Variants in ATL2 observed in about 807,000 individuals in gnomAD.
ATL2 encodes atlastin-2.
In ATL2, 31 loss-of-function variants were observed where a neutral mutation model predicts 73.9. The ratio of observed to expected loss-of-function variants is 0.42; its 90% CI spans 0.32 to 0.57. The LOEUF is 0.57. ATL2 is among the 20% of genes least tolerant of loss of function. The pLI is 0.14. For missense variants in ATL2, 738 were observed against 702.6 expected, an observed-to-expected ratio of 1.05 and a Z score of -0.57; for synonymous variants, 291 against 237.5, an observed-to-expected ratio of 1.23 and a Z score of -2.07.
At chr2:38,320,122 A>G (rs1318325722) in intron 2 of ATL2, among the ~76,000 whole-genome samples, 1 of 152,206 alleles carries the variant, frequency 6.6e-6, no homozygotes, top group Non-Finnish European at 1.5e-5. Context: ...CAAAAACAAA[A>G]AAAATCAATT....
At chr2:38,351,290 T>TA (rs1409655504) in intron 1 of ATL2, among the ~76,000 whole-genome samples, 2 of 152,144 alleles carry the variant, frequency 1.3e-5, no homozygotes, top group Admixed American at 1.3e-4. Flanking sequence ...TTAAGAGCCT[T>TA]AAAGAGGTTA....
intron 2 of ATL2, among the ~76,000 whole-genome samples, chr2:38,334,898 ATTATT>A (rs1669239146): frequency 7.3e-6 from 1 of 136,192 alleles, no homozygotes; most frequent in African/African-American, 2.7e-5. Context: ...TATAATATAT[ATTATT>A]TATAATATAT....
At chr2:38,319,379 A>T (rs995415170) in intron 2 of ATL2, among the ~76,000 whole-genome samples, 1 of 152,102 alleles carries the variant, frequency 6.6e-6, no homozygotes, top group Non-Finnish European at 1.5e-5. Context: ...TGGGCATATC[A>T]CTTGAGGCCA....
In ATL2 at chr2:38,329,423, CAAAAAAAAAAAAA is replaced by C. The variant is rs70954711; in HGVS notation, c.364-10417_364-10405del. ...AGGAGACAGAGCAAGACTCCATCTCCAAAAAAAAAAAAAAAAAAAAAAAAAAAAGATCAATAAA... is the reference window on the plus strand; with the variant it reads ...AGGAGACAGAGCAAGACTCCATCTCCAAAAAAAAAAAAAAAGATCAATAAA... On this transcript the variant is annotated intron_variant, in intron 2 of 12. Transcript: ENST00000378954. 2.1e-3 allele frequency among the ~76,000 whole-genome samples: 29 copies of C among 13,672 alleles called. 1 individual carries two copies. In the East Asian group the frequency reaches 0.022, roughly 10 times the overall value. The allele number at this position is 13,672 out of a possible 152,430, so 9.0% of individuals were successfully genotyped here. A position where few individuals can be genotyped will look rare whatever the true frequency, so the allele number is the denominator to read the frequency against.
At chr2:38,308,637 G>T (rs564792078) in intron 9 of ATL2, among the ~76,000 whole-genome samples, 1 of 151,926 alleles carries the variant, frequency 6.6e-6, no homozygotes, top group Admixed American at 6.6e-5. Flanking sequence ...AGGGATACAG[G>T]CTTGAGGTGA....
At chr2:38,305,296 A>AGGCAGGTGGACCACTTGAG (rs962229607) in intron 9 of ATL2, among the ~76,000 whole-genome samples, 1 of 152,214 alleles carries the variant, frequency 6.6e-6, no homozygotes, top group Non-Finnish European at 1.5e-5. Context: ...TGGGAGGCCA[A>AGGCAGGTGGACCACTTGAG]GGCAGGTGGA....
intron 11 of ATL2, 33 bp downstream of exon 11, chr2:38,299,223 C>G (rs745813734): frequency 1.4e-6 from 2 of 1,481,228 alleles, no homozygotes; most frequent in Non-Finnish European, 1.8e-6. Context: ...AATCTTCTCA[C>G]TCCAGCATCA....
chr2:38,338,139 T>A (rs1669480948), intron 2 of ATL2, among the ~76,000 whole-genome samples: 1 of 152,208 alleles, frequency 6.6e-6, no homozygotes, highest in South Asian at 2.1e-4. Context: ...TAAAAAAGGA[T>A]GAAATTATGT....
rs369713955 is a variant in ATL2 at position 38,298,367 on chromosome 2, T to A, written c.1409A>T (p.Tyr470Phe). 2.5e-6 allele frequency: 4 copies of A among 1,614,056 alleles called. No homozygotes were observed. In the African/African-American group the frequency reaches 4.0e-5, roughly 16 times the overall value. ...IKHNDGKNIF[Y>F]AARTPATLFA... Reference sequence around the variant, plus strand: ...CAGTGTGGCTGGGGTACGAGCAGCATAGAAGATATTTTTGCCATCATTGTG... The same window carrying A: ...CAGTGTGGCTGGGGTACGAGCAGCAAAGAAGATATTTTTGCCATCATTGTG... Residue 470 changes from tyrosine (Y) to phenylalanine (F), a missense_variant, in exon 12 of 13, where the codon TAT becomes TTT. Transcript: ENST00000378954.
chr2:38,376,530 G>A (rs539553683), intron 1 of ATL2: 34 of 172,900 alleles, frequency 2.0e-4, no homozygotes, highest in Non-Finnish European at 3.3e-4. Context: ...CGGGAGCCGA[G>A]GAGCCCCGAA....
At chr2:38,351,850 G>A (rs996774993) in intron 1 of ATL2, among the ~76,000 whole-genome samples, 88 of 150,028 alleles carry the variant, frequency 5.9e-4, no homozygotes, top group Middle Eastern at 3.4e-3. Context: ...AGTGGCTCAC[G>A]TCTGTAATCC....
chr2:38,372,381 T>C (rs540374989), intron 1 of ATL2, among the ~76,000 whole-genome samples: 11 of 152,288 alleles, frequency 7.2e-5, no homozygotes, highest in African/African-American at 2.6e-4. Context: ...TATTATAGTG[T>C]AGAGATTCAA....
chr2:38,337,956 T>C (rs995995015), intron 2 of ATL2, among the ~76,000 whole-genome samples: 1 of 152,158 alleles, frequency 6.6e-6, no homozygotes, highest in African/African-American at 2.4e-5. Flanking sequence ...CTGTGTTTAG[T>C]TTCATGTATA....
intron 1 of ATL2, among the ~76,000 whole-genome samples, chr2:38,365,463 T>C (rs1459997197): frequency 6.6e-6 from 1 of 152,122 alleles, no homozygotes; most frequent in Non-Finnish European, 1.5e-5. Flanking sequence ...AAGGCCAGCC[T>C]TGGCAACATG....
intron 7 of ATL2, among the ~76,000 whole-genome samples, chr2:38,312,593 C>T (rs1667816666): frequency 6.6e-6 from 1 of 152,044 alleles, no homozygotes; most frequent in Non-Finnish European, 1.5e-5. Flanking sequence ...CGCCTGTAAT[C>T]CCAGCTACGG....
chr2:38,343,412 A>G lies in ATL2; in HGVS notation c.219T>C (p.Phe73=), dbSNP rs1045908746. Reference sequence around the variant, plus strand: ...GCTCCAAAGCTTCTTCATCAAGTTCAAAGTTATGGTCATCTTCATGAGCAA... The same window carrying G: ...GCTCCAAAGCTTCTTCATCAAGTTCGAAGTTATGGTCATCTTCATGAGCAA... ...IVLAHEDDHN[F]ELDEEALEQI... Residue 73 remains phenylalanine (F), a synonymous_variant, in exon 2 of 13, where the codon TTT becomes TTC. Transcript: ENST00000378954. 2.5e-6 allele frequency: 4 copies of G among 1,613,336 alleles called. No individual in the cohort carries two copies. The highest frequency in any genetic ancestry group is 3.3e-5 in the Admixed American group (2 of 59,870).
At chr2:38,305,588 T>C (rs1667409475) in intron 9 of ATL2, among the ~76,000 whole-genome samples, 1 of 152,052 alleles carries the variant, frequency 6.6e-6, no homozygotes, top group Non-Finnish European at 1.5e-5. Flanking sequence ...ATCAAGTATC[T>C]TCTCTGACCA....
intron 2 of ATL2, among the ~76,000 whole-genome samples, chr2:38,325,681 CA>C (rs1668584199): frequency 2.6e-5 from 2 of 77,520 alleles, no homozygotes; most frequent in Admixed American, 1.5e-4. Context: ...CACACACACA[CA>C]CACACACACA....
At chr2:38,342,229 A>T (rs1203373999) in intron 2 of ATL2, among the ~76,000 whole-genome samples, 1 of 152,218 alleles carries the variant, frequency 6.6e-6, no homozygotes, top group African/African-American at 2.4e-5. Context: ...AGATTCATCA[A>T]TTAAAATGTA....
Sources: gnomAD v4.1 joint callset for allele counts (sites outside exome capture counted in the v4.1 genomes callset) on GRCh38, gnomAD v4.1.1 for gene constraint, MANE v1.5 for transcripts, NCBI Gene and HGNC (gene_info 2026-07-23, HGNC 2026-07-21) for gene names.